TYW1: variants seen among roughly 807,000 people sequenced by gnomAD.
TYW1 encodes S-adenosyl-L-methionine-dependent tRNA 4-demethylwyosine synthase TYW1.
Under a neutral mutation model 96.2 loss-of-function variants are expected in TYW1, and 46 were observed. That is an observed-to-expected ratio of 0.48 (90% CI 0.38 to 0.61). The LOEUF is 0.61. TYW1 is among the 20% of genes least tolerant of loss of function. The pLI is 0.00. For missense variants in TYW1, 684 were observed against 909.6 expected, an observed-to-expected ratio of 0.75 and a Z score of 3.19; for synonymous variants, 274 against 323.0, an observed-to-expected ratio of 0.85 and a Z score of 1.63.
intron 13 of TYW1, among the ~76,000 whole-genome samples, chr7:67,170,801 A>G (rs1799492370): frequency 6.6e-6 from 1 of 152,184 alleles, no homozygotes; most frequent in African/African-American, 2.4e-5. Context: ...CCACTTGGTA[A>G]TAATGTAAAA....
chr7:67,063,161 C>T (rs773514341), intron 9 of TYW1, among the ~76,000 whole-genome samples: 3 of 152,096 alleles, frequency 2.0e-5, no homozygotes, highest in African/African-American at 2.4e-5. Context: ...CAAAGCAATC[C>T]ACCATATCAA....
At chr7:66,999,478 G>A (rs1006020984) in intron 3 of TYW1, among the ~76,000 whole-genome samples, 3 of 152,006 alleles carry the variant, frequency 2.0e-5, no homozygotes, top group Non-Finnish European at 4.4e-5. Context: ...TCAGCCTCCC[G>A]AGTAGCTGGG....
chr7:67,175,536 A>G lies in TYW1; in HGVS notation c.1699-7590A>G, dbSNP rs189192769. ...AAAAGCGATTTTTACTCATAAGCAT[A>G]GAAGCAAATATTTTAAAGAAAAGAT... On this transcript the variant is annotated intron_variant, in intron 13 of 15. Transcript: ENST00000359626. Among the ~76,000 whole-genome samples, 5 of 152,332 alleles carry G rather than the reference A, an allele frequency of 3.3e-5. No individual in the cohort carries two copies. The East Asian group carries it at 9.6e-4, about 29-fold the overall frequency.
chr7:67,016,059 T>TC (rs1288104547), intron 5 of TYW1, among the ~76,000 whole-genome samples: 2 of 151,860 alleles, frequency 1.3e-5, no homozygotes, highest in African/African-American at 2.4e-5. Flanking sequence ...TGGTTAGTTT[T>TC]CCCGGGCTAT....
chr7:67,166,544 TC>T (rs1563051392), intron 13 of TYW1, among the ~76,000 whole-genome samples: 28 of 79,974 alleles, frequency 3.5e-4, no homozygotes, highest in African/African-American at 1.9e-3. Context: ...GCCCCTCCCC[TC>T]TCTAAAAATA....
At chr7:67,010,458 G>A (rs888395657) in intron 4 of TYW1, among the ~76,000 whole-genome samples, 1 of 151,544 alleles carries the variant, frequency 6.6e-6, no homozygotes, top group African/African-American at 2.4e-5. Context: ...GTGCTGCCAT[G>A]CCCTGCTAAT....
chr7:67,132,260 C>T (rs1438153308), intron 13 of TYW1, among the ~76,000 whole-genome samples: 5 of 150,850 alleles, frequency 3.3e-5, no homozygotes, highest in African/African-American at 4.9e-5. Flanking sequence ...AATAGGTGTC[C>T]GCCACTGTGC....
In TYW1 at chr7:67,024,899, G is replaced by A. The variant is rs1168886487; in HGVS notation, c.862-1G>A. 1 of 1,613,740 alleles carries A rather than the reference G, an allele frequency of 6.2e-7. No individual in the cohort carries two copies. Among genetic ancestry groups the A allele is most frequent in the Non-Finnish European group, 8.5e-7 (1 of 1,179,792 alleles). On this transcript the variant is annotated splice_acceptor_variant, in intron 6 of 15. Coordinates refer to ENST00000359626, the MANE Select transcript of TYW1 (RefSeq NM_018264.4). LOFTEE classifies it high-confidence loss of function. ...GTATTTCTGAAGCATTTCTCTTCCA[G>A]GAGGAAGAACCCTTTGAGAGCTCCA...
At chr7:67,191,808 C>T (rs1422654533) in intron 14 of TYW1, among the ~76,000 whole-genome samples, 1 of 151,930 alleles carries the variant, frequency 6.6e-6, no homozygotes, top group Non-Finnish European at 1.5e-5. Context: ...ATTTCTGTCA[C>T]GGTGCAGCCT....
At position 67,238,537 on chromosome 7, in the gene TYW1, T is replaced by G; in HGVS notation, c.*8T>G. The G allele has an allele frequency of 6.2e-7, 1 of 1,607,264 alleles. No individual in the cohort carries two copies. The highest frequency in any genetic ancestry group is 1.1e-5 in the South Asian group (1 of 90,276). ...GCTATTTCTGGATGTTGAGATTATC[T>G]GATTTCAAGGTACTGAAGGACAAAA... On this transcript the variant is annotated 3_prime_UTR_variant, in exon 16 of 16. Transcript: ENST00000359626.
chr7:67,144,469 T>G (rs956970335), intron 13 of TYW1, among the ~76,000 whole-genome samples: 19 of 138,952 alleles, frequency 1.4e-4, no homozygotes, highest in Admixed American at 3.5e-4. Context: ...ACAACATCTC[T>G]TTGTTTTGTT....
At chr7:67,237,199 T>A (rs2116459450) in intron 15 of TYW1, among the ~76,000 whole-genome samples, 1 of 146,758 alleles carries the variant, frequency 6.8e-6, no homozygotes, top group Non-Finnish European at 1.5e-5. Flanking sequence ...AGTCGAAGTT[T>A]TTTAAAAGAC....
At chr7:67,153,980 C>T (rs1214895313) in intron 13 of TYW1, among the ~76,000 whole-genome samples, 2 of 142,504 alleles carry the variant, frequency 1.4e-5, no homozygotes, top group Non-Finnish European at 1.5e-5. Flanking sequence ...CAGGCTGGAG[C>T]GCAGTGGCGT....
chr7:67,157,556 G>A (rs1008129143), intron 13 of TYW1, among the ~76,000 whole-genome samples: 3 of 152,220 alleles, frequency 2.0e-5, no homozygotes, highest in Admixed American at 2.0e-4. Context: ...AAAGTATTGG[G>A]ATTACAGGTG....
At chr7:67,039,958 G>A (rs145079519) in intron 7 of TYW1, among the ~76,000 whole-genome samples, 1,580 of 148,170 alleles carry the variant, frequency 0.011, 12 homozygotes, top group Middle Eastern at 0.016. Flanking sequence ...ACCATGCCTG[G>A]TCTATTTTTT....
At chr7:67,211,872 C>T (rs751411943) in intron 15 of TYW1, among the ~76,000 whole-genome samples, 6 of 152,204 alleles carry the variant, frequency 3.9e-5, no homozygotes, top group Non-Finnish European at 7.3e-5. Context: ...CGTCTTTCCC[C>T]CTCTATGCCC....
At chr7:67,237,074 T>G (rs1801911440) in intron 15 of TYW1, among the ~76,000 whole-genome samples, 1 of 152,100 alleles carries the variant, frequency 6.6e-6, no homozygotes, top group African/African-American at 2.4e-5. Flanking sequence ...TTAGTAGAGA[T>G]AGGGTTTTAC....
At chr7:67,101,389 C>T (rs1290855737) in intron 12 of TYW1, among the ~76,000 whole-genome samples, 1 of 151,952 alleles carries the variant, frequency 6.6e-6, no homozygotes, top group South Asian at 2.1e-4. Flanking sequence ...GGGGTTTGTC[C>T]GAGATGACGG....
intron 13 of TYW1, among the ~76,000 whole-genome samples, chr7:67,149,884 A>G (rs1476994841): frequency 6.6e-6 from 1 of 152,074 alleles, no homozygotes; most frequent in African/African-American, 2.4e-5. Context: ...TGGCTGAAGG[A>G]ACACTTCATT....
Sources: gnomAD v4.1 joint callset for allele counts (sites outside exome capture counted in the v4.1 genomes callset) on GRCh38, gnomAD v4.1.1 for gene constraint, MANE v1.5 for transcripts, NCBI Gene and HGNC (gene_info 2026-07-23, HGNC 2026-07-21) for gene names.